MAGI1: variants seen among roughly 807,000 people sequenced by gnomAD.
MAGI1 encodes the protein membrane associated guanylate kinase, WW and PDZ domain containing 1, also known as membrane-associated guanylate kinase, WW and PDZ domain-containing protein 1.
MAGI1 carries 58 observed loss-of-function variants against 139.9 expected under a neutral mutation model. That is an observed-to-expected ratio of 0.41 (90% CI 0.34 to 0.52). The LOEUF (loss-of-function observed/expected upper bound fraction) is 0.52, where lower values mean the gene tolerates loss of function less well. Among genes scored for constraint, MAGI1 ranks in the 20% least tolerant of loss-of-function variants. MAGI1 has a pLI of 0.12. For synonymous variants in MAGI1, 812 were observed against 737.9 expected, an observed-to-expected ratio of 1.10 and a Z score of -1.63; for missense variants, 1,874 against 1,901.6, an observed-to-expected ratio of 0.99 and a Z score of 0.27.
At chr3:65,771,166 G>C (rs1237246780) in intron 1 of MAGI1, among the ~76,000 whole-genome samples, 1 of 151,822 alleles carries the variant, frequency 6.6e-6, no homozygotes, top group African/African-American at 2.4e-5. Context: ...AATTAGCCAG[G>C]CATGGTGGCA....
chr3:65,625,288 A>G (rs1395109823), intron 1 of MAGI1, among the ~76,000 whole-genome samples: 1 of 152,226 alleles, frequency 6.6e-6, no homozygotes, highest in African/African-American at 2.4e-5. Flanking sequence ...TACCAATAAA[A>G]TCGATTTCAA....
At chr3:65,758,413 A>G (rs1330967000) in intron 1 of MAGI1, among the ~76,000 whole-genome samples, 1 of 152,206 alleles carries the variant, frequency 6.6e-6, no homozygotes, top group Non-Finnish European at 1.5e-5. Context: ...AATCACTTGG[A>G]GCTCATTTCT....
chr3:65,952,113 T>C (rs189465314), intron 1 of MAGI1, among the ~76,000 whole-genome samples: 1 of 152,256 alleles, frequency 6.6e-6, no homozygotes, highest in East Asian at 1.9e-4. Context: ...AGTGAAAGTG[T>C]AGATAGATAA....
chr3:65,638,543 C>G (rs998514191), intron 1 of MAGI1, among the ~76,000 whole-genome samples: 1 of 150,460 alleles, frequency 6.6e-6, no homozygotes, highest in Non-Finnish European at 1.5e-5. Context: ...TCCTTCCTCC[C>G]ACCTCAGGCC....
intron 1 of MAGI1, among the ~76,000 whole-genome samples, chr3:65,790,040 A>G (rs770793685): frequency 6.6e-6 from 1 of 152,226 alleles, no homozygotes; most frequent in Non-Finnish European, 1.5e-5. Flanking sequence ...TTTTACTTCA[A>G]AACTTACAGA....
intron 1 of MAGI1, among the ~76,000 whole-genome samples, chr3:65,981,816 A>G (rs554839642): frequency 1.1e-4 from 17 of 152,244 alleles, no homozygotes; most frequent in African/African-American, 4.1e-4. Flanking sequence ...ACCTTCCACC[A>G]TGAGTGTGCC....
At chr3:65,617,376 C>T (rs2083433969) in intron 2 of MAGI1, among the ~76,000 whole-genome samples, 2 of 152,142 alleles carry the variant, frequency 1.3e-5, no homozygotes, top group Non-Finnish European at 2.9e-5. Context: ...AGTTGTATCT[C>T]GTTTTGACAG....
chr3:65,523,873 A>G (rs1266240373), intron 2 of MAGI1, among the ~76,000 whole-genome samples: 1 of 152,174 alleles, frequency 6.6e-6, no homozygotes, highest in Non-Finnish European at 1.5e-5. Flanking sequence ...TCAGAGTAAG[A>G]AGCCTGAGAG....
At chr3:65,560,051 G>T (rs184189549) in intron 2 of MAGI1, among the ~76,000 whole-genome samples, 1 of 152,086 alleles carries the variant, frequency 6.6e-6, no homozygotes, top group East Asian at 1.9e-4. Context: ...ACAAACAAAT[G>T]AAAACACACA....
At chr3:66,028,149 C>G (rs2068394925) in intron 1 of MAGI1, among the ~76,000 whole-genome samples, 1 of 152,028 alleles carries the variant, frequency 6.6e-6, no homozygotes, top group Admixed American at 6.5e-5. Context: ...TACAAACAAA[C>G]AAATAGCCAG....
intron 2 of MAGI1, among the ~76,000 whole-genome samples, chr3:65,590,295 A>T (rs1249689191): frequency 6.6e-6 from 1 of 152,182 alleles, no homozygotes; most frequent in Non-Finnish European, 1.5e-5. Flanking sequence ...GCTATTTTGT[A>T]CATCTTTGTA....
At position 65,494,000 on chromosome 3, in the gene MAGI1, T is replaced by C. The variant is rs557665265; in HGVS notation, c.431-369A>G. On this transcript the variant is annotated intron_variant, in intron 2 of 22. Transcript: ENST00000402939. ...GACTCCAGTAAATACTAAAAACGTA[T>C]CCACCTTAAGCTCAGAGCCTAAGGG... Among the ~76,000 whole-genome samples the C allele has an allele frequency of 2.0e-5, 3 of 152,296 alleles. No homozygotes were observed. The South Asian group carries it at 6.2e-4, about 32-fold the overall frequency.
chr3:66,018,113 T>TGG (rs200952234), intron 1 of MAGI1, among the ~76,000 whole-genome samples: 1,718 of 57,292 alleles, frequency 0.03, 75 homozygotes, highest in Middle Eastern at 0.045. Flanking sequence ...GACACTTTGG[T>TGG]GGGGGGGGGG....
intron 3 of MAGI1, among the ~76,000 whole-genome samples, chr3:65,480,534 CA>C (rs67341994): frequency 1.3e-3 from 171 of 131,120 alleles, no homozygotes; most frequent in Middle Eastern, 0.013. Context: ...GATCCTATCT[CA>C]AAAAAAAAAA....
intron 1 of MAGI1, among the ~76,000 whole-genome samples, chr3:65,799,941 T>C (rs2040410070): frequency 6.6e-6 from 1 of 152,220 alleles, no homozygotes; most frequent in Non-Finnish European, 1.5e-5. Context: ...AGCAAGCATA[T>C]TATTTAAACA....
intron 2 of MAGI1, among the ~76,000 whole-genome samples, chr3:65,591,373 C>T (rs1461158147): frequency 6.6e-6 from 1 of 152,128 alleles, no homozygotes; most frequent in Non-Finnish European, 1.5e-5. Flanking sequence ...TCAGGTCATC[C>T]ATCAGGCATG....
chr3:65,450,973 A>T (rs1209196090), intron 6 of MAGI1, among the ~76,000 whole-genome samples: 2 of 152,220 alleles, frequency 1.3e-5, no homozygotes, highest in Non-Finnish European at 2.9e-5. Flanking sequence ...TTATATATTT[A>T]TACTGTTTGT....
At chr3:65,477,475 T>C (rs906816060) in intron 4 of MAGI1, among the ~76,000 whole-genome samples, 1 of 152,070 alleles carries the variant, frequency 6.6e-6, no homozygotes, top group African/African-American at 2.4e-5. Context: ...GGATAACTTA[T>C]TCATGGCTAT....
At chr3:65,533,295 G>A (rs2107860096) in intron 2 of MAGI1, among the ~76,000 whole-genome samples, 1 of 152,266 alleles carries the variant, frequency 6.6e-6, no homozygotes, top group African/African-American at 2.4e-5. Flanking sequence ...AAAGACCAAA[G>A]GAGGTGTGGT....
Sources: allele counts gnomAD v4.1 joint callset (sites outside exome capture counted in the v4.1 genomes callset), GRCh38; gene constraint gnomAD v4.1.1; transcripts MANE v1.5; gene names NCBI Gene and HGNC (gene_info 2026-07-23, HGNC 2026-07-21).